The following NR6A1 variants were observed in gnomAD, a reference collection of about 807,000 sequenced individuals.
NR6A1 encodes nuclear receptor subfamily 6 group A member 1.
In NR6A1, 7 loss-of-function variants were observed where a neutral mutation model predicts 59.1. That is an observed-to-expected ratio of 0.12 (90% CI 0.07 to 0.22). NR6A1 has a LOEUF of 0.22. Ranked by LOEUF, NR6A1 falls within the 10% of genes least tolerant of loss-of-function variation. The pLI is 1.00. For missense variants in NR6A1, 468 were observed against 611.6 expected, an observed-to-expected ratio of 0.77 and a Z score of 2.48; for synonymous variants, 243 against 236.1, an observed-to-expected ratio of 1.03 and a Z score of -0.27.
intron 2 of NR6A1, among the ~76,000 whole-genome samples, chr9:124,644,182 G>GT (rs1379415291): frequency 2.0e-5 from 3 of 151,580 alleles, no homozygotes. Context: ...GATTACAGGC[G>GT]TGAGCCACCG....
intron 7 of NR6A1, among the ~76,000 whole-genome samples, chr9:124,527,591 T>C (rs1460192831): frequency 2.6e-5 from 4 of 152,184 alleles, no homozygotes; most frequent in African/African-American, 9.7e-5. Context: ...ACTGTACAAA[T>C]GAGCAACTGA....
At chr9:124,714,095 T>C (rs966447372) in intron 2 of NR6A1, among the ~76,000 whole-genome samples, 2 of 152,114 alleles carry the variant, frequency 1.3e-5, no homozygotes, top group South Asian at 2.1e-4. Context: ...CTATACAACA[T>C]AGATAAACTT....
chr9:124,761,702 T>C (rs1183547707), intron 1 of NR6A1, among the ~76,000 whole-genome samples: 1 of 152,220 alleles, frequency 6.6e-6, no homozygotes, highest in Non-Finnish European at 1.5e-5. Context: ...AAGCAAACTA[T>C]TCTTGATGGA....
chr9:124,755,129 T>C (rs1840600372), intron 1 of NR6A1, among the ~76,000 whole-genome samples: 1 of 151,440 alleles, frequency 6.6e-6, no homozygotes. Flanking sequence ...CTACAGTAAC[T>C]CCTTTCTGCA....
At chr9:124,727,622 T>C (rs978709113) in intron 2 of NR6A1, among the ~76,000 whole-genome samples, 8 of 152,220 alleles carry the variant, frequency 5.3e-5, no homozygotes, top group African/African-American at 1.2e-4. Context: ...CAGCAAGCAA[T>C]TGGCTTAAAA....
chr9:124,635,389 G>T (rs780717941), intron 2 of NR6A1, among the ~76,000 whole-genome samples: 5 of 152,200 alleles, frequency 3.3e-5, no homozygotes, highest in African/African-American at 4.8e-5. Context: ...CTGTTCTCGT[G>T]AGGGTGAATT....
intron 2 of NR6A1, among the ~76,000 whole-genome samples, chr9:124,621,557 G>A (rs1197635227): frequency 6.6e-6 from 1 of 151,914 alleles, no homozygotes; most frequent in Non-Finnish European, 1.5e-5. Flanking sequence ...AGGAGGATAC[G>A]GTGGGAGTAT....
At chr9:124,702,738 G>A (rs1332339912) in intron 2 of NR6A1, among the ~76,000 whole-genome samples, 3 of 152,008 alleles carry the variant, frequency 2.0e-5, no homozygotes, top group African/African-American at 4.8e-5. Context: ...CTTCTGCCAT[G>A]AGTAAAAGCT....
chr9:124,535,018 G>T (rs1780420317), intron 7 of NR6A1, among the ~76,000 whole-genome samples: 1 of 152,106 alleles, frequency 6.6e-6, no homozygotes, highest in South Asian at 2.1e-4. Flanking sequence ...CAGCTACTTG[G>T]GTGGCTGAGG....
At chr9:124,690,720 CT>C (rs1432676492) in intron 2 of NR6A1, among the ~76,000 whole-genome samples, 1 of 152,012 alleles carries the variant, frequency 6.6e-6, no homozygotes, top group African/African-American at 2.4e-5. Context: ...TAACCCTTAA[CT>C]TTTTTTAACC....
chr9:124,599,576 G>T, intron 2 of NR6A1: 1 of 1,070,868 alleles, frequency 9.3e-7, no homozygotes, highest in Non-Finnish European at 1.2e-6. Context: ...CGTGGCAGCC[G>T]CCATGAGGGC....
intron 2 of NR6A1, among the ~76,000 whole-genome samples, chr9:124,724,584 A>T (rs1239894465): frequency 6.6e-6 from 1 of 152,212 alleles, no homozygotes; most frequent in Non-Finnish European, 1.5e-5. Context: ...AATTAAAGTA[A>T]GTACTTTCAA....
intron 2 of NR6A1, among the ~76,000 whole-genome samples, chr9:124,670,525 A>C (rs1338765687): frequency 1.3e-5 from 2 of 149,156 alleles, no homozygotes; most frequent in Non-Finnish European, 2.9e-5. Flanking sequence ...TTATATTCTG[A>C]CATTATGTCT....
At chr9:124,568,191 A>G (rs995362744) in intron 2 of NR6A1, among the ~76,000 whole-genome samples, 1 of 149,666 alleles carries the variant, frequency 6.7e-6, no homozygotes, top group Non-Finnish European at 1.5e-5. Flanking sequence ...AAAAAAAAAA[A>G]AAAAGAAACA....
At chr9:124,572,913 G>A (rs533995654) in intron 2 of NR6A1, among the ~76,000 whole-genome samples, 88 of 152,296 alleles carry the variant, frequency 5.8e-4, no homozygotes, top group African/African-American at 2.0e-3. Flanking sequence ...GCATCAAAAA[G>A]CATTAAAGTG....
At chr9:124,709,165 C>A (rs1476397388) in intron 2 of NR6A1, among the ~76,000 whole-genome samples, 1 of 152,168 alleles carries the variant, frequency 6.6e-6, no homozygotes. Context: ...ATTGTCCTGG[C>A]TCAAATACCA....
chr9:124,660,713 T>A (rs79647419), intron 2 of NR6A1, among the ~76,000 whole-genome samples: 1,526 of 151,680 alleles, frequency 0.01, 26 homozygotes, highest in African/African-American at 0.035. Context: ...CTAGCTTTTT[T>A]AACCACCTCC....
At chr9:124,655,787 G>T (rs1467926679) in intron 2 of NR6A1, among the ~76,000 whole-genome samples, 2 of 152,208 alleles carry the variant, frequency 1.3e-5, no homozygotes, top group Non-Finnish European at 2.9e-5. Context: ...AGTGAAAAGA[G>T]CTTCTGAGAT....
rs1207149343 is a variant in NR6A1, at chr9:124,554,310, G to A, written c.385+18C>T. The stretch of plus-strand genomic sequence containing the variant: ...TTTGAATGAAGGATGGGCCATCAGA[G>A]CCATCAGCACCACTCACCCTTCCGG... On this transcript the variant is annotated intron_variant, in intron 3 of 9. Transcript: ENST00000487099. 6.2e-7 allele frequency: 1 copy of A among 1,614,048 alleles called. No individual in the cohort carries two copies. Among genetic ancestry groups the A allele is most frequent in the Non-Finnish European group, 8.5e-7 (1 of 1,179,914 alleles).
Sources: gnomAD v4.1 joint callset for allele counts (sites outside exome capture counted in the v4.1 genomes callset) on GRCh38, gnomAD v4.1.1 for gene constraint, MANE v1.5 for transcripts, NCBI Gene and HGNC (gene_info 2026-07-23, HGNC 2026-07-21) for gene names.